F11R: variants seen among roughly 807,000 people sequenced by gnomAD.
F11R encodes junctional adhesion molecule A.
A neutral mutation model predicts 39.3 loss-of-function variants in F11R; 27 were observed. That is an observed-to-expected ratio of 0.69 (90% confidence interval 0.51 to 0.95). F11R has a LOEUF of 0.95. Ranked by LOEUF, F11R falls within the 40% of genes least tolerant of loss-of-function variation. The probability of loss-of-function intolerance (pLI) is 0.00; values close to 1 mark genes in which losing one functional copy is unlikely to be tolerated. For missense variants in F11R, 335 were observed against 372.7 expected, an observed-to-expected ratio of 0.90 and a Z score of 0.83; for synonymous variants, 131 against 144.9, an observed-to-expected ratio of 0.90 and a Z score of 0.69.
chr1:160,998,955 A>T (rs780375383), intron 9 of F11R, 49 bp from the exon 10 acceptor site: 1 of 1,613,838 alleles, frequency 6.2e-7, no homozygotes, highest in African/African-American at 1.3e-5. Context: ...TCTTTAGCTG[A>T]TAATCCCCAA....
intron 1 of F11R, among the ~76,000 whole-genome samples, chr1:161,015,605 AG>A (rs1649421665): frequency 5.7e-5 from 8 of 139,408 alleles, no homozygotes; most frequent in African/African-American, 2.1e-4. Flanking sequence ...AAAAAAAAAA[AG>A]GCTGCAGTGA....
rs142934128 is a variant in F11R, at chr1:161,000,745, T to G, written c.274A>C (p.Thr92Pro). ...GTCACGGACTTGAAGGTGATACCAG[T>G]TGGCAAGAAGGTCACCCGGTCCTCA... The part of the protein sequence containing the change: ...SYEDRVTFLP[T>P]GITFKSVTRE... The change falls in exon 4 of 10, where the codon ACT becomes CCT. Residue 92 changes from threonine to proline, a missense_variant. Thr to Pro is a conservative substitution (Grantham distance 38). Coordinates refer to ENST00000368026, the MANE Select transcript of F11R (RefSeq NM_016946.6). 6.2e-7 allele frequency: 1 copy of G among 1,613,990 alleles called. No homozygotes were observed. The highest frequency in any genetic ancestry group is 1.3e-5 in the African/African-American group (1 of 74,880).
At chr1:161,008,290 T>C (rs1462813007) in intron 1 of F11R, among the ~76,000 whole-genome samples, 1 of 151,906 alleles carries the variant, frequency 6.6e-6, no homozygotes, top group Non-Finnish European at 1.5e-5. Flanking sequence ...GATCAGGAGA[T>C]CAAGACCATC....
chr1:160,997,336 C>G lies in F11R; in HGVS notation c.*1535G>C, dbSNP rs1233880512. On this transcript the variant is annotated 3_prime_UTR_variant, in exon 10 of 10. Transcript: ENST00000368026. Reference sequence around the variant, plus strand: ...AAATCCCCTTGCCTCAGCTCTGGGACAGTAGTTCCTACAGCTGTAGGGAGG... The same window carrying G: ...AAATCCCCTTGCCTCAGCTCTGGGAGAGTAGTTCCTACAGCTGTAGGGAGG... The G allele has an allele frequency of 6.6e-6, 1 of 152,372 alleles. No individual in the cohort carries two copies. Among genetic ancestry groups the G allele is most frequent in the Non-Finnish European group, 1.5e-5 (1 of 68,054 alleles). The allele number at this position is 152,372 out of a possible 1,614,324, so 9.4% of individuals were successfully genotyped here.
chr1:161,010,974 A>T (rs1428724501), intron 1 of F11R, among the ~76,000 whole-genome samples: 1 of 4,808 alleles, frequency 2.1e-4, no homozygotes, highest in Non-Finnish European at 3.8e-4. Flanking sequence ...ACTCCATCTT[A>T]AAAAAAAAAA....
At chr1:161,011,020 G>C (rs573909335) in intron 1 of F11R, among the ~76,000 whole-genome samples, 1 of 146,580 alleles carries the variant, frequency 6.8e-6, no homozygotes, top group African/African-American at 2.5e-5. Flanking sequence ...ACAATTTAAC[G>C]TTATTTAGGT....
intron 1 of F11R, among the ~76,000 whole-genome samples, chr1:161,004,274 T>A (rs1209260367): frequency 6.6e-6 from 1 of 151,718 alleles, no homozygotes; most frequent in Admixed American, 6.6e-5. Context: ...AAAAGAAGGG[T>A]ATAGGCTGGG....
intron 1 of F11R, among the ~76,000 whole-genome samples, chr1:161,006,002 G>T (rs1415315659): frequency 6.6e-6 from 1 of 152,068 alleles, no homozygotes; most frequent in African/African-American, 2.4e-5. Context: ...GCCGGGCATG[G>T]TGGCGGGCAA....
chr1:161,010,652 A>G (rs536423655), intron 1 of F11R, among the ~76,000 whole-genome samples: 4 of 152,114 alleles, frequency 2.6e-5, no homozygotes, highest in African/African-American at 9.6e-5. Context: ...TCTCACCCCA[A>G]TTTCTAGGAA....
At position 160,999,566 on chromosome 1, in the gene F11R, T is replaced by C. The variant is rs1648337221; in HGVS notation, c.802+74A>G. 4 of 1,505,392 alleles carry C rather than the reference T, an allele frequency of 2.7e-6. No individual in the cohort carries two copies. In the African/African-American group the frequency reaches 4.1e-5, roughly 16 times the overall value. The allele number at this position is 1,505,392 out of a possible 1,614,324, so 93.3% of individuals were successfully genotyped here. On this transcript the variant is annotated intron_variant, in intron 7 of 9. Coordinates refer to ENST00000368026, the MANE Select transcript of F11R (RefSeq NM_016946.6). ...CACATGAGCACAGTATCAGGGTCAG[T>C]ACTCAGATGACACCCATGCCAGGCC...
chr1:161,010,154 A>T (rs1185643234), intron 1 of F11R, among the ~76,000 whole-genome samples: 1 of 151,906 alleles, frequency 6.6e-6, no homozygotes, highest in Non-Finnish European at 1.5e-5. Flanking sequence ...GGCTTAGAAC[A>T]GTTGACCCAG....
chr1:161,000,961 T>C, intron 3 of F11R, 59 bp downstream of exon 3: 1 of 1,537,676 alleles, frequency 6.5e-7, no homozygotes, highest in Non-Finnish European at 9.0e-7. Flanking sequence ...GATCGTAGAA[T>C]CCAGGCATGA....
chr1:161,000,794 C>A lies in F11R; in HGVS notation c.242-17G>T, dbSNP rs769349605. On this transcript the variant is annotated splice_polypyrimidine_tract_variant and intron_variant, in intron 3 of 9. Coordinates refer to ENST00000368026, the MANE Select transcript of F11R (RefSeq NM_016946.6). ...CATAGGAAGCTACCACAAGAGGAGG[C>A]AAGAGCAAGGACAGAGTGAACTGGA... is the stretch of plus-strand genomic sequence containing the variant. The A allele has an allele frequency of 1.5e-5, 24 of 1,613,912 alleles. No individual in the cohort carries two copies. The highest frequency in any genetic ancestry group is 2.0e-5 in the Non-Finnish European group (24 of 1,179,904).
At chr1:161,000,060 T>A in intron 5 of F11R, 82 bp from the exon 6 acceptor site, 2 of 1,598,826 alleles carry the variant, frequency 1.3e-6, no homozygotes, top group Non-Finnish European at 1.7e-6. Flanking sequence ...AGTTCCAAGT[T>A]CACCCTGTTG....
chr1:161,000,332 A>C lies in F11R; in HGVS notation c.405T>G (p.Pro135=). 1 of 1,613,932 alleles carries C rather than the reference A, an allele frequency of 6.2e-7. No homozygotes were observed. Among genetic ancestry groups the C allele is most frequent in the Non-Finnish European group, 8.5e-7 (1 of 1,180,026 alleles). Reference sequence around the variant, plus strand: ...TGGCAGAGGAGGGGATGTTAACTGTAGGCTTGGATGGAGGCACTGTGGAAG... The same window carrying C: ...TGGCAGAGGAGGGGATGTTAACTGTCGGCTTGGATGGAGGCACTGTGGAAG... The part of the protein sequence containing the change: ...KLIVLVPPSK[P]TVNIPSSATI... The change falls in exon 5 of 10, where the codon CCT becomes CCG. Residue 135 remains proline, a synonymous_variant. Coordinates refer to ENST00000368026, the MANE Select transcript of F11R (RefSeq NM_016946.6).
At chr1:161,000,853 G>A (rs916465906) in intron 3 of F11R, 76 bp from the exon 4 acceptor site, 35 of 1,574,756 alleles carry the variant, frequency 2.2e-5, no homozygotes, top group Non-Finnish European at 2.7e-5. Flanking sequence ...GGGCATCCAA[G>A]GTACGCAAGT....
intron 1 of F11R, among the ~76,000 whole-genome samples, chr1:161,001,910 G>A (rs1272634321): frequency 6.6e-6 from 1 of 152,174 alleles, no homozygotes; most frequent in Non-Finnish European, 1.5e-5. Flanking sequence ...TCGGCAAGAC[G>A]TATATTATTA....
At chr1:161,006,780 C>T (rs1557892134) in intron 1 of F11R, among the ~76,000 whole-genome samples, 2 of 152,200 alleles carry the variant, frequency 1.3e-5, no homozygotes, top group East Asian at 3.8e-4. Context: ...CCATGTCCTT[C>T]CCATTCACCA....
At position 161,000,618 on chromosome 1, in the gene F11R, A is replaced by G; in HGVS notation, c.388+13T>C. 6.2e-7 allele frequency: 1 copy of G among 1,614,092 alleles called. No homozygotes were observed. The highest frequency in any genetic ancestry group is 8.5e-7 in the Non-Finnish European group (1 of 1,179,996). On this transcript the variant is annotated intron_variant, in intron 4 of 9. Coordinates refer to ENST00000368026, the MANE Select transcript of F11R (RefSeq NM_016946.6). ...CTAACTCCAGGCCCACCCAGAAGAC[A>G]TGGGGCACGTACCAAGCACGATGAG...
Sources: allele counts gnomAD v4.1 joint callset (sites outside exome capture counted in the v4.1 genomes callset), GRCh38; gene constraint gnomAD v4.1.1; transcripts MANE v1.5; gene names NCBI Gene and HGNC (gene_info 2026-07-23, HGNC 2026-07-21).